Variants in ECE1 observed in about 807,000 individuals in gnomAD.
ECE1 encodes the protein endothelin converting enzyme 1.
In ECE1, 35 loss-of-function variants were observed where a neutral mutation model predicts 98.6. The observed-to-expected ratio is 0.35, with a 90% CI of 0.27 to 0.47. The LOEUF (loss-of-function observed/expected upper bound fraction) is 0.47. ECE1 is among the 20% of genes least tolerant of loss of function. The pLI is 1.00. For synonymous variants in ECE1, 394 were observed against 407.1 expected (o/e 0.97, Z 0.39); for missense variants, 814 against 1,025.3 (o/e 0.79, Z 2.81).
In ECE1 at chr1:21,272,801, C is replaced by A; in HGVS notation, c.391G>T (p.Gly131Trp). The change falls in exon 4 of 19, where the codon GGG becomes TGG. Residue 131 changes from glycine (G) to tryptophan (W), a missense_variant. Around this residue, in one of 3 missense-constraint regions of ECE1, gnomAD observed 257 missense variants for 278.9 expected, o/e 0.92. Coordinates refer to ENST00000374893, the MANE Select transcript of ECE1 (RefSeq NM_001397.3). Reference sequence around the variant, plus strand: ...ACTGGGTTGGCCTTGATCCAGCCCCCACAGGCGTAGCTGAAGAAGTCATGG... The same window carrying A: ...ACTGGGTTGGCCTTGATCCAGCCCCAACAGGCGTAGCTGAAGAAGTCATGG... Reference protein sequence around the residue: ...PCHDFFSYACGGWIKANPVPD... With the variant: ...PCHDFFSYACWGWIKANPVPD... The A allele has an allele frequency of 6.2e-7, 1 of 1,614,260 alleles. No individual in the cohort carries two copies. Among genetic ancestry groups the A allele is most frequent in the Non-Finnish European group, 8.5e-7 (1 of 1,180,044 alleles).
intron 1 of ECE1, among the ~76,000 whole-genome samples, chr1:21,316,897 G>A (rs986831506): frequency 6.6e-6 from 1 of 152,116 alleles, no homozygotes; most frequent in African/African-American, 2.4e-5. Context: ...CATTTAGGGA[G>A]GCAGAATCAG....
At chr1:21,236,073 A>G in intron 12 of ECE1, 146 bp from the exon 13 acceptor site, 1 of 794,908 alleles carries the variant, frequency 1.3e-6, no homozygotes, top group East Asian at 2.5e-5. Flanking sequence ...TTTTCTGGAA[A>G]GGTTTCCCCC....
At chr1:21,281,916 C>T (rs1415870800) in intron 2 of ECE1, among the ~76,000 whole-genome samples, 4 of 152,264 alleles carry the variant, frequency 2.6e-5, no homozygotes, top group East Asian at 1.9e-4. Flanking sequence ...AGGCTGATCT[C>T]GAACTCCTAA....
chr1:21,330,574 T>C (rs1558436244), intron 1 of ECE1, among the ~76,000 whole-genome samples: 1 of 152,140 alleles, frequency 6.6e-6, no homozygotes, highest in Non-Finnish European at 1.5e-5. Context: ...CTAATTTATC[T>C]ATCTCTCCCA....
At chr1:21,306,833 T>G (rs1569720283) in intron 1 of ECE1, among the ~76,000 whole-genome samples, 5 of 152,262 alleles carry the variant, frequency 3.3e-5, no homozygotes, top group African/African-American at 1.2e-4. Context: ...CTCAAGCCTC[T>G]GGGGAGGAGT....
chr1:21,250,051 T>C (rs1573965453), intron 8 of ECE1, among the ~76,000 whole-genome samples: 2 of 151,858 alleles, frequency 1.3e-5, no homozygotes. Context: ...AGTGAGGGGA[T>C]TACAGGCATA....
intron 1 of ECE1, among the ~76,000 whole-genome samples, chr1:21,308,220 TG>T (rs1638640016): frequency 6.6e-6 from 1 of 152,218 alleles, no homozygotes; most frequent in South Asian, 2.1e-4. Flanking sequence ...GCACTCCCTT[TG>T]CCCCAGCTTT....
intron 1 of ECE1, among the ~76,000 whole-genome samples, chr1:21,324,670 C>G (rs1484933591): frequency 6.6e-6 from 1 of 152,170 alleles, no homozygotes; most frequent in Admixed American, 6.5e-5. Flanking sequence ...TGAGCTGAGT[C>G]AGGCAGAAGG....
At chr1:21,269,477 A>G (rs970964219) in intron 4 of ECE1, among the ~76,000 whole-genome samples, 1 of 152,170 alleles carries the variant, frequency 6.6e-6, no homozygotes, top group African/African-American at 2.4e-5. Flanking sequence ...ATCCCTACTA[A>G]TGAGCTGAGT....
chr1:21,289,507 G>A (rs1299446625), intron 2 of ECE1, among the ~76,000 whole-genome samples: 1 of 152,186 alleles, frequency 6.6e-6, no homozygotes. Context: ...TCCTTAGTAG[G>A]CTGGAAAAGG....
rs1016353054 is a variant in ECE1 at position 21,307,151 on chromosome 1, C to T, written c.4-16995G>A. Among the ~76,000 whole-genome samples the T allele has an allele frequency of 5.9e-5, 9 of 152,174 alleles. No individual in the cohort carries two copies. Among genetic ancestry groups the T allele is most frequent in the Non-Finnish European group, 1.2e-4 (8 of 68,030 alleles). ...ATGGGTCTCAGCTCCCAGACTGCTC[C>T]CTGCTTAGAACTCCTGTCCACATTA... is the stretch of plus-strand genomic sequence containing the variant. On this transcript the variant is annotated intron_variant, in intron 1 of 18. Transcript: ENST00000415912. The surrounding 1 kb of genome is among the most constrained non-coding windows in gnomAD (Gnocchi z 4.2).
At position 21,221,764 on chromosome 1, in the gene ECE1, A is replaced by G; in HGVS notation, c.2119T>C (p.Phe707Leu). 6.2e-7 allele frequency: 1 copy of G among 1,614,258 alleles called. No individual in the cohort carries two copies. Among genetic ancestry groups the G allele is most frequent in the Non-Finnish European group, 8.5e-7 (1 of 1,180,044 alleles). The change falls in exon 18 of 19, where the codon TTC (phenylalanine) becomes CTC (leucine). Residue 707 changes from phenylalanine to leucine, a missense_variant. Phe to Leu is a conservative substitution (Grantham distance 22). Coordinates refer to ENST00000374893, the MANE Select transcript of ECE1 (RefSeq NM_001397.3). Reference sequence around the variant, plus strand: ...GGACTCACCTGTGCAAAGCCCAGGAAGAAGAGCTGGTTATTGGTGAGGCCC... The same window carrying G: ...GGACTCACCTGTGCAAAGCCCAGGAGGAAGAGCTGGTTATTGGTGAGGCCC... ...TLGLTNNQLF[F>L]LGFAQVWCSV...
chr1:21,302,528 G>A (rs528603466), intron 1 of ECE1, among the ~76,000 whole-genome samples: 2 of 152,150 alleles, frequency 1.3e-5, no homozygotes, highest in Non-Finnish European at 2.9e-5. Flanking sequence ...GCCCTGACTC[G>A]GTGACTTACA....
At chr1:21,243,222 C>T (rs1035260066) in intron 10 of ECE1, among the ~76,000 whole-genome samples, 9 of 152,086 alleles carry the variant, frequency 5.9e-5, no homozygotes, top group African/African-American at 7.2e-5. Flanking sequence ...AGGATAACAG[C>T]GGTAGTAGGA....
chr1:21,281,462 G>A (rs2098254463), intron 2 of ECE1, among the ~76,000 whole-genome samples: 2 of 152,154 alleles, frequency 1.3e-5, no homozygotes, highest in Admixed American at 6.5e-5. Flanking sequence ...GTACTCAAAT[G>A]TTTATAAAGT....
chr1:21,276,793 C>A (rs931978545), intron 3 of ECE1, among the ~76,000 whole-genome samples: 6 of 150,356 alleles, frequency 4.0e-5, no homozygotes, highest in Admixed American at 6.7e-5. Context: ...TCAAGTGATT[C>A]TCCTGCCTCA....
In ECE1 at chr1:21,256,138, C is replaced by T. The variant is rs1247566799; in HGVS notation, c.829G>A (p.Val277Met). The change falls in exon 8 of 19, where the codon GTG (valine) becomes ATG (methionine). Residue 277 changes from valine to methionine, a missense_variant and splice_region_variant. Physicochemically the swap from Val to Met is conservative, Grantham distance 21. This residue lies in a region of ECE1 where 105 missense variants were observed against 179.1 expected (regional missense o/e 0.59). Transcript: ENST00000374893. ...ATGTAGTTCAGATATCCGGTCAGCA[C>T]CTGCAGGGCCCATACCCCAAACTGT... ...YYLNKTENEKVLTGYLNYMVQ... is the reference protein window; with the variant it reads ...YYLNKTENEKMLTGYLNYMVQ... 1.9e-6 allele frequency: 3 copies of T among 1,597,880 alleles called. No homozygotes were observed. The highest frequency in any genetic ancestry group is 1.3e-5 in the African/African-American group (1 of 74,676).
At chr1:21,324,375 TCAG>T (rs1486275849) in intron 1 of ECE1, among the ~76,000 whole-genome samples, 1 of 152,286 alleles carries the variant, frequency 6.6e-6, no homozygotes, top group East Asian at 1.9e-4. Flanking sequence ...AAACCATCCA[TCAG>T]TGCGGGACTG....
intron 2 of ECE1, 132 bp downstream of exon 2, chr1:21,289,938 C>G: frequency 8.4e-7 from 1 of 1,183,766 alleles, no homozygotes; most frequent in Non-Finnish European, 1.1e-6. Flanking sequence ...GCGGCCCCTC[C>G]CGGATGCCGG....
Sources: allele counts gnomAD v4.1 joint callset (sites outside exome capture counted in the v4.1 genomes callset), GRCh38; gene constraint gnomAD v4.1.1; regional missense constraint gnomAD v4.1.1; non-coding constraint Gnocchi (gnomAD v3.1); transcripts MANE v1.5; gene names NCBI Gene and HGNC (gene_info 2026-07-23, HGNC 2026-07-21).